The following ZC3H7A variants were observed in gnomAD, a reference collection of about 807,000 sequenced individuals.
The protein encoded by ZC3H7A is zinc finger CCCH-type containing 7A.
Under a neutral mutation model 125.5 loss-of-function variants are expected in ZC3H7A, and 44 were observed. That is an observed-to-expected ratio of 0.35 (90% CI 0.28 to 0.45). The LOEUF is 0.45. ZC3H7A is among the 20% of genes least tolerant of loss of function. ZC3H7A has a pLI of 1.00. For missense variants in ZC3H7A, 977 were observed against 1,170.7 expected (o/e 0.83, Z 2.41); for synonymous variants, 399 against 391.2 (o/e 1.02, Z -0.23).
Position 11,776,737 on chromosome 16 carries a change from T to C in ZC3H7A, c.465+14A>G. On this transcript the variant is annotated intron_variant, in intron 5 of 22. Transcript: ENST00000355758. The stretch of plus-strand genomic sequence containing the variant: ...ATGGTTACGATGTAAACAAATAAAC[T>C]ATAAATTCCATACCTGAGGCACTGC... 1 of 1,584,490 alleles carries C rather than the reference T, an allele frequency of 6.3e-7. No individual in the cohort carries two copies. Among genetic ancestry groups the C allele is most frequent in the Non-Finnish European group, 8.5e-7 (1 of 1,171,098 alleles).
At chr16:11,782,507 TGACTCCAGGGTCC>T (rs924687001) in intron 1 of ZC3H7A, 119 bp from the exon 2 acceptor site, 20 of 833,112 alleles carry the variant, frequency 2.4e-5, no homozygotes, top group Non-Finnish European at 3.5e-5. Flanking sequence ...ATTTCTGACT[TGACTCCAGGGTCC>T]TGGACGGCAG....
At chr16:11,756,581 C>T (rs910212629) in intron 20 of ZC3H7A, among the ~76,000 whole-genome samples, 11 of 152,174 alleles carry the variant, frequency 7.2e-5, no homozygotes, top group African/African-American at 2.7e-4. Context: ...TGTTAGATGG[C>T]AAATATTAGT....
At chr16:11,764,073 C>A (rs1012033741) in intron 15 of ZC3H7A, among the ~76,000 whole-genome samples, 1 of 151,788 alleles carries the variant, frequency 6.6e-6, no homozygotes, top group Admixed American at 6.6e-5. Flanking sequence ...GGATTATAGG[C>A]GTGAGCCATG....
At chr16:11,769,676 T>A (rs62040623) in intron 10 of ZC3H7A, among the ~76,000 whole-genome samples, 77,180 of 126,528 alleles carry the variant, frequency 0.61, 24,859 homozygotes, top group East Asian at 0.84. Context: ...TCGCCACTGC[T>A]TTCCAGCCTG....
At position 11,762,036 on chromosome 16, in the gene ZC3H7A, C is replaced by T; in HGVS notation, c.2087G>A (p.Gly696Asp). The change falls in exon 18 of 23, where the codon GGT becomes GAT. Residue 696 changes from glycine (G) to aspartate (D), a missense_variant. Gly to Asp is a moderately conservative substitution (Grantham distance 94). This residue lies in a region of ZC3H7A where 436 missense variants were observed against 603.2 expected (regional missense o/e 0.72). Coordinates refer to ENST00000355758, the MANE Select transcript of ZC3H7A (RefSeq NM_014153.4). ...EANVPGAQVL[G>D]NQIMPGFLNM... ...AAGAAATCCAGGCATTATTTGATTA[C>T]CAAGTACCTTAAACAATTAAAAGAT... The T allele has an allele frequency of 1.2e-6, 2 of 1,603,268 alleles. No individual in the cohort carries two copies. The highest frequency in any genetic ancestry group is 8.5e-7 in the Non-Finnish European group (1 of 1,176,190).
At chr16:11,769,331 T>G (rs1301844913) in intron 10 of ZC3H7A, among the ~76,000 whole-genome samples, 2 of 152,084 alleles carry the variant, frequency 1.3e-5, no homozygotes, top group African/African-American at 4.8e-5. Context: ...AAAAATAAGC[T>G]AAGGCAGGGC....
chr16:11,753,776 G>C (rs1203495510), intron 21 of ZC3H7A: 1 of 152,206 alleles, frequency 6.6e-6, no homozygotes, highest in Admixed American at 6.5e-5. Context: ...AGCCTCCTAA[G>C]TAGCTGGGAT....
At chr16:11,771,524 G>A (rs1220050243) in intron 9 of ZC3H7A, among the ~76,000 whole-genome samples, 4 of 150,058 alleles carry the variant, frequency 2.7e-5, no homozygotes, top group Non-Finnish European at 4.4e-5. Context: ...TTTTTGAGAC[G>A]GAGTCTCACT....
chr16:11,784,552 C>T (rs1173581318), intron 1 of ZC3H7A, among the ~76,000 whole-genome samples: 1 of 151,822 alleles, frequency 6.6e-6, no homozygotes, highest in Non-Finnish European at 1.5e-5. Flanking sequence ...GACCCCCTAT[C>T]TCTACAAAAA....
At position 11,763,676 on chromosome 16, in the gene ZC3H7A, G is replaced by T. The variant is rs13338039; in HGVS notation, c.1821-17C>A. 1 of 1,404,342 alleles carries T rather than the reference G, an allele frequency of 7.1e-7. No individual in the cohort carries two copies. Among genetic ancestry groups the T allele is most frequent in the South Asian group, 1.4e-5 (1 of 69,492 alleles). 87.0% of individuals were successfully genotyped at this position (1,404,342 alleles called of 1,614,324 possible). On this transcript the variant is annotated splice_polypyrimidine_tract_variant and intron_variant, in intron 15 of 22. Coordinates refer to ENST00000355758, the MANE Select transcript of ZC3H7A (RefSeq NM_014153.4). ...ACAAGGCACCTAAGATGAAAACAGT[G>T]ACATTTTAATATTGTTCTGCCATAG...
chr16:11,784,235 G>C (rs1287747836), intron 1 of ZC3H7A, among the ~76,000 whole-genome samples: 1 of 152,088 alleles, frequency 6.6e-6, no homozygotes, highest in Non-Finnish European at 1.5e-5. Flanking sequence ...ATGGATAATG[G>C]TTCCAGCTGG....
intron 19 of ZC3H7A, chr16:11,759,591 G>C (rs969411362): frequency 6.6e-6 from 1 of 152,172 alleles, no homozygotes; most frequent in African/African-American, 2.4e-5. Flanking sequence ...GTCTTTCAAA[G>C]CTCAATGATA....
rs761586019 is a variant in ZC3H7A, at chr16:11,779,412, G to T, written c.109-49C>A. On this transcript the variant is annotated intron_variant, in intron 3 of 22. Transcript: ENST00000355758. ...TGAAGCCTTTTATCAAACAAGATAT[G>T]GTATAAGTAAATTTTAATTTTTATA... is the stretch of plus-strand genomic sequence containing the variant. 3.2e-5 allele frequency: 49 copies of T among 1,529,724 alleles called. No homozygotes were observed. In the East Asian group the frequency reaches 9.9e-4, roughly 31 times the overall value. 94.8% of individuals were successfully genotyped at this position (1,529,724 alleles called of 1,614,324 possible).
At position 11,751,191 on chromosome 16, in the gene ZC3H7A, G is replaced by T; in HGVS notation, c.*126C>A. The T allele has an allele frequency of 9.7e-7, 1 of 1,027,736 alleles. No homozygotes were observed. Among genetic ancestry groups the T allele is most frequent in the Non-Finnish European group, 1.4e-6 (1 of 730,698 alleles). 63.7% of individuals were successfully genotyped at this position (1,027,736 alleles called of 1,614,324 possible). A position where few individuals can be genotyped will look rare whatever the true frequency, so the allele number is the denominator to read the frequency against. On this transcript the variant is annotated 3_prime_UTR_variant, in exon 23 of 23. Transcript: ENST00000355758. ...ATTTTCCTACCTACTGTGGGTTGCTGCTCAGGAGGAACGATATACGCCAAT... is the reference window on the plus strand; with the variant it reads ...ATTTTCCTACCTACTGTGGGTTGCTTCTCAGGAGGAACGATATACGCCAAT...
At chr16:11,760,684 G>A (rs2052738828) in intron 19 of ZC3H7A, among the ~76,000 whole-genome samples, 1 of 152,166 alleles carries the variant, frequency 6.6e-6, no homozygotes, top group South Asian at 2.1e-4. Flanking sequence ...GATGCTCCAA[G>A]TGTCCCTGTC....
chr16:11,766,989 C>G (rs1283505083), intron 13 of ZC3H7A, among the ~76,000 whole-genome samples: 4 of 151,676 alleles, frequency 2.6e-5, no homozygotes, highest in Non-Finnish European at 5.9e-5. Context: ...ACAGTCAATA[C>G]TGTTATAATA....
At chr16:11,776,006 A>G (rs1415245252) in intron 7 of ZC3H7A, among the ~76,000 whole-genome samples, 1 of 152,134 alleles carries the variant, frequency 6.6e-6, no homozygotes, top group Admixed American at 6.5e-5. Context: ...CAAAAAATAC[A>G]AAAATTTAAC....
chr16:11,789,311 TG>T (rs1401271728), intron 1 of ZC3H7A, among the ~76,000 whole-genome samples: 1 of 152,134 alleles, frequency 6.6e-6, no homozygotes, highest in Non-Finnish European at 1.5e-5. Flanking sequence ...TCACCCAGGC[TG>T]GAGTGCAATG....
chr16:11,751,845 T>C (rs2052557446), intron 22 of ZC3H7A, among the ~76,000 whole-genome samples: 1 of 151,810 alleles, frequency 6.6e-6, no homozygotes, highest in Admixed American at 6.6e-5. Context: ...GAATTAAATA[T>C]TAACAGTGAT....
Sources: allele counts gnomAD v4.1 joint callset (sites outside exome capture counted in the v4.1 genomes callset), GRCh38; gene constraint gnomAD v4.1.1; regional missense constraint gnomAD v4.1.1; transcripts MANE v1.5; gene names NCBI Gene and HGNC (gene_info 2026-07-23, HGNC 2026-07-21).